NCAPG2: variants seen among roughly 807,000 people sequenced by gnomAD.
NCAPG2 encodes the protein condensin-2 complex subunit G2.
A neutral mutation model predicts 141.1 loss-of-function variants in NCAPG2; 53 were observed. That is an observed-to-expected ratio of 0.38 (90% CI 0.30 to 0.47). NCAPG2 has a LOEUF of 0.47. NCAPG2 is among the 20% of genes least tolerant of loss of function. NCAPG2 has a pLI of 0.99. For missense variants in NCAPG2, 1,087 were observed against 1,389.0 expected, an observed-to-expected ratio of 0.78 and a Z score of 3.46; for synonymous variants, 499 against 490.7, an observed-to-expected ratio of 1.02 and a Z score of -0.22.
chr7:158,693,577 G>C, intron 2 of NCAPG2, 80 bp from the exon 3 acceptor site: 1 of 1,250,788 alleles, frequency 8.0e-7, no homozygotes, highest in Non-Finnish European at 1.1e-6. Context: ...CAAAAGAAAA[G>C]TTAAGTGTTA....
intron 2 of NCAPG2, among the ~76,000 whole-genome samples, chr7:158,697,712 TG>T: frequency 6.6e-6 from 1 of 151,890 alleles, no homozygotes; most frequent in South Asian, 2.1e-4. Flanking sequence ...AATGATAGAC[TG>T]GATAAAGAAA....
At chr7:158,687,606 G>A (rs1393614540) in intron 6 of NCAPG2, among the ~76,000 whole-genome samples, 164 bp from the exon 7 acceptor site, 1 of 152,162 alleles carries the variant, frequency 6.6e-6, no homozygotes, top group African/African-American at 2.4e-5. Flanking sequence ...TGTCTGCGGG[G>A]CCTGCACAGC....
intron 1 of NCAPG2, chr7:158,703,779 A>G (rs1288530010): frequency 6.6e-6 from 1 of 152,472 alleles, no homozygotes; most frequent in Non-Finnish European, 1.5e-5. Flanking sequence ...TCCGTCCCCA[A>G]ACTCCTTCCT....
At chr7:158,694,965 G>A (rs1835358747) in intron 2 of NCAPG2, among the ~76,000 whole-genome samples, 1 of 152,090 alleles carries the variant, frequency 6.6e-6, no homozygotes, top group African/African-American at 2.4e-5. Flanking sequence ...TTTGACCTTA[G>A]ACAGTATCTT....
At chr7:158,694,877 T>C (rs1835350834) in intron 2 of NCAPG2, among the ~76,000 whole-genome samples, 1 of 152,018 alleles carries the variant, frequency 6.6e-6, no homozygotes, top group Non-Finnish European at 1.5e-5. Flanking sequence ...TTGACCCTCC[T>C]CCCCTTCAAT....
intron 27 of NCAPG2, 87 bp from the exon 28 acceptor site, chr7:158,631,804 T>C (rs1175205766): frequency 2.6e-6 from 3 of 1,140,578 alleles, no homozygotes; most frequent in Non-Finnish European, 3.9e-6. Context: ...AATCTAAAAA[T>C]GGTTTGCAAC....
Position 158,689,219 on chromosome 7 carries a change from T to C in NCAPG2, c.672+600A>G, listed in dbSNP as rs1480572875. 2.0e-5 allele frequency among the ~76,000 whole-genome samples: 3 copies of C among 152,210 alleles called. No individual in the cohort carries two copies. The East Asian group carries it at 5.8e-4, about 29-fold the overall frequency. Reference sequence around the variant, plus strand: ...TTAATATAACAGACAATAAAAATATTGTCTATTATATTAAGTATAGAACAA... The same window carrying C: ...TTAATATAACAGACAATAAAAATATCGTCTATTATATTAAGTATAGAACAA... On this transcript the variant is annotated intron_variant, in intron 6 of 27. Coordinates refer to ENST00000356309, the MANE Select transcript of NCAPG2 (RefSeq NM_017760.7).
chr7:158,656,225 T>C (rs1409718305), intron 19 of NCAPG2, 35 bp downstream of exon 19: 2 of 1,604,116 alleles, frequency 1.2e-6, no homozygotes, highest in African/African-American at 2.7e-5. Context: ...CCCACAATCA[T>C]AGGAAACCAC....
chr7:158,667,187 T>C (rs1833035031), intron 13 of NCAPG2: 2 of 985,340 alleles, frequency 2.0e-6, no homozygotes, highest in Non-Finnish European at 2.4e-6. Context: ...CTTGCAAAGA[T>C]AAGGACTGAA....
At chr7:158,700,730 C>T (rs1051985020) in intron 2 of NCAPG2, among the ~76,000 whole-genome samples, 2 of 142,982 alleles carry the variant, frequency 1.4e-5, no homozygotes, top group African/African-American at 5.3e-5. Context: ...TTGCCAGTAA[C>T]AAATTCATTA....
chr7:158,654,689 G>A lies in NCAPG2; in HGVS notation c.2652C>T (p.Tyr884=). The A allele has an allele frequency of 3.7e-6, 6 of 1,613,464 alleles. No individual in the cohort carries two copies. Among genetic ancestry groups the A allele is most frequent in the Non-Finnish European group, 5.1e-6 (6 of 1,179,756 alleles). Residue 884 remains tyrosine (Y), a synonymous_variant, in exon 22 of 28, where the codon TAC becomes TAT. Transcript: ENST00000356309. The part of the protein sequence containing the change: ...RVIYQQIIQT[Y]LTVCKDVVMV... ...TAACAACATCTTTACACACAGTCAG[G>A]TAGGTCTGTAAGAGACAGACACAGC...
intron 1 of NCAPG2, chr7:158,703,724 AAAG>A (rs1469730553): frequency 6.6e-6 from 1 of 152,318 alleles, no homozygotes; most frequent in Non-Finnish European, 1.5e-5. Context: ...TGAGCATTAA[AAAG>A]AAGAAATCCC....
intron 1 of NCAPG2, among the ~76,000 whole-genome samples, 180 bp downstream of exon 1, chr7:158,704,544 G>A (rs1414653728): frequency 1.3e-5 from 2 of 152,194 alleles, no homozygotes; most frequent in African/African-American, 2.4e-5. Flanking sequence ...GGGATGGCCC[G>A]GGGTCGCCAG....
At chr7:158,665,975 G>A (rs941928326) in intron 13 of NCAPG2, among the ~76,000 whole-genome samples, 3 of 147,702 alleles carry the variant, frequency 2.0e-5, no homozygotes, top group African/African-American at 5.0e-5. Context: ...CCCACACGGG[G>A]CAGTTTACTC....
intron 22 of NCAPG2, among the ~76,000 whole-genome samples, chr7:158,652,974 T>G (rs1831594692): frequency 6.6e-6 from 1 of 152,368 alleles, no homozygotes; most frequent in Admixed American, 6.5e-5. Context: ...GGGAAAATAA[T>G]TCCTAAATGA....
At chr7:158,636,826 A>G (rs1830234512) in intron 27 of NCAPG2, among the ~76,000 whole-genome samples, 2 of 152,168 alleles carry the variant, frequency 1.3e-5, no homozygotes, top group Non-Finnish European at 2.9e-5. Context: ...TGCCTGATGG[A>G]CCATTTACAT....
At chr7:158,700,524 A>G (rs1026849773) in intron 2 of NCAPG2, among the ~76,000 whole-genome samples, 1 of 152,242 alleles carries the variant, frequency 6.6e-6, no homozygotes, top group Non-Finnish European at 1.5e-5. Context: ...TGCATTTCCA[A>G]TACAATCCAT....
intron 13 of NCAPG2, chr7:158,667,375 CCCCCTTACCCACTACTGGG>C (rs1833107922): frequency 1.2e-5 from 2 of 167,256 alleles, no homozygotes; most frequent in Admixed American, 2.4e-4. Flanking sequence ...TCCCTCCGCC[CCCCCTTACCCACTACTGGG>C]TCCCTCCGCC....
Position 158,690,802 on chromosome 7 carries a change from CTT to C in NCAPG2, c.383-82_383-81del, listed in dbSNP as rs1303473500. 3.1e-6 allele frequency: 4 copies of C among 1,289,148 alleles called. No individual in the cohort carries two copies. The African/African-American group carries it at 6.1e-5, about 20-fold the overall frequency. 79.9% of individuals were successfully genotyped at this position (1,289,148 alleles called of 1,614,324 possible). On this transcript the variant is annotated intron_variant, in intron 4 of 27. Coordinates refer to ENST00000356309, the MANE Select transcript of NCAPG2 (RefSeq NM_017760.7). ...GAGTCAACAGTTTAGAGTATCATGA[CTT>C]TATATATTATTTAAAGCTTTGCTAA...
Sources: allele counts gnomAD v4.1 joint callset (sites outside exome capture counted in the v4.1 genomes callset), GRCh38; gene constraint gnomAD v4.1.1; transcripts MANE v1.5; gene names NCBI Gene and HGNC (gene_info 2026-07-23, HGNC 2026-07-21).